The following DIP2B variants were observed in gnomAD, a reference collection of about 807,000 sequenced individuals.
DIP2B encodes DIP2 acetate--CoA ligase B (putative), also known as disco-interacting protein 2 homolog B.
A neutral mutation model predicts 198.0 loss-of-function variants in DIP2B; 76 were observed. That is an observed-to-expected ratio of 0.38 (90% CI 0.32 to 0.46). The LOEUF (loss-of-function observed/expected upper bound fraction) is 0.46. Among genes scored for constraint, DIP2B ranks in the 20% least tolerant of loss-of-function variants. The pLI is 0.99. For synonymous variants in DIP2B, 701 were observed against 739.1 expected, an observed-to-expected ratio of 0.95 and a Z score of 0.84; for missense variants, 1,559 against 1,978.4, an observed-to-expected ratio of 0.79 and a Z score of 4.02.
chr12:50,636,118 A>G (rs948760276), intron 2 of DIP2B, among the ~76,000 whole-genome samples: 4 of 152,204 alleles, frequency 2.6e-5, no homozygotes, highest in Non-Finnish European at 5.9e-5. Context: ...AGCTCTAAAC[A>G]AAGTAGCGTG....
intron 1 of DIP2B, among the ~76,000 whole-genome samples, chr12:50,542,637 A>T (rs958037501): frequency 6.6e-6 from 1 of 152,186 alleles, no homozygotes; most frequent in Non-Finnish European, 1.5e-5. Context: ...CCTGTGTTTG[A>T]TATATCTCAC....
At chr12:50,579,209 G>C (rs914087157) in intron 1 of DIP2B, among the ~76,000 whole-genome samples, 6 of 152,286 alleles carry the variant, frequency 3.9e-5, no homozygotes, top group East Asian at 3.9e-4. Flanking sequence ...ATGTCAGCCA[G>C]ATATTTTCTC....
chr12:50,631,121 C>T (rs1443511395), intron 2 of DIP2B, among the ~76,000 whole-genome samples: 1 of 151,236 alleles, frequency 6.6e-6, no homozygotes, highest in Non-Finnish European at 1.5e-5. Context: ...CAGTTTCCTC[C>T]TCCTCCTTCT....
intron 1 of DIP2B, among the ~76,000 whole-genome samples, chr12:50,549,984 C>G (rs1350619022): frequency 1.3e-5 from 2 of 152,086 alleles, no homozygotes; most frequent in African/African-American, 2.4e-5. Context: ...TTAACCCTCT[C>G]TTCTGTGTTA....
intron 1 of DIP2B, among the ~76,000 whole-genome samples, chr12:50,563,506 T>TTTTA (rs1455280983): frequency 6.6e-6 from 1 of 150,410 alleles, no homozygotes; most frequent in Non-Finnish European, 1.5e-5. Flanking sequence ...TTTTTTTTTT[T>TTTTA]TTAAAGGCAG....
At chr12:50,592,463 T>C (rs1011120605) in intron 1 of DIP2B, among the ~76,000 whole-genome samples, 2 of 151,968 alleles carry the variant, frequency 1.3e-5, no homozygotes, top group Non-Finnish European at 2.9e-5. Context: ...GGCCTTAACT[T>C]TTAGATTATT....
At chr12:50,588,007 T>C (rs1302474107) in intron 1 of DIP2B, among the ~76,000 whole-genome samples, 1 of 152,214 alleles carries the variant, frequency 6.6e-6, no homozygotes, top group East Asian at 1.9e-4. Context: ...TTTGTTTTGG[T>C]ATCTATACAA....
chr12:50,607,115 T>TA (rs1958989010), intron 1 of DIP2B, among the ~76,000 whole-genome samples: 1 of 151,920 alleles, frequency 6.6e-6, no homozygotes, highest in African/African-American at 2.4e-5. Flanking sequence ...CTTCTTTTTT[T>TA]TTTTTTTGAG....
intron 1 of DIP2B, among the ~76,000 whole-genome samples, chr12:50,613,188 C>T (rs1959046141): frequency 6.6e-6 from 1 of 152,184 alleles, no homozygotes; most frequent in African/African-American, 2.4e-5. Flanking sequence ...AGTGTTGTGT[C>T]CTTGTGCAGG....
chr12:50,641,753 A>T (rs527320354), intron 3 of DIP2B, among the ~76,000 whole-genome samples: 1 of 152,266 alleles, frequency 6.6e-6, no homozygotes, highest in African/African-American at 2.4e-5. Flanking sequence ...TTTGATAAGC[A>T]GAGGAACGAC....
intron 25 of DIP2B, 48 bp from the exon 26 acceptor site, chr12:50,721,225 T>A: frequency 6.3e-7 from 1 of 1,599,494 alleles, no homozygotes; most frequent in Non-Finnish European, 8.5e-7. Context: ...TATTACTGTT[T>A]ATTTCCTTTC....
chr12:50,677,473 G>A (rs1236575256), intron 7 of DIP2B, among the ~76,000 whole-genome samples: 1 of 152,034 alleles, frequency 6.6e-6, no homozygotes, highest in African/African-American at 2.4e-5. Context: ...AAATTAGCCA[G>A]GCGTGGTGGC....
At chr12:50,725,652 A>C (rs1406044833) in intron 28 of DIP2B, among the ~76,000 whole-genome samples, 1 of 152,230 alleles carries the variant, frequency 6.6e-6, no homozygotes, top group African/African-American at 2.4e-5. Flanking sequence ...ATAACATCTA[A>C]TCTTCATTGA....
intron 1 of DIP2B, among the ~76,000 whole-genome samples, chr12:50,554,814 C>T (rs970962550): frequency 1.0e-4 from 15 of 149,140 alleles, no homozygotes; most frequent in Admixed American, 9.6e-4. Context: ...TCTCACCAGG[C>T]TGAAATGCAG....
At chr12:50,626,100 G>A (rs1937929365) in intron 2 of DIP2B, 53 bp downstream of exon 2, 1 of 1,561,530 alleles carries the variant, frequency 6.4e-7, no homozygotes, top group Admixed American at 1.7e-5. Flanking sequence ...ACCAAAAGAT[G>A]CTGTCTTACA....
chr12:50,512,248 A>T (rs1593566657), intron 1 of DIP2B, among the ~76,000 whole-genome samples: 1 of 151,656 alleles, frequency 6.6e-6, no homozygotes, highest in African/African-American at 2.4e-5. Context: ...CTGGGATTAC[A>T]GGCTTGTGCC....
Position 50,671,268 on chromosome 12 carries a change from T to C in DIP2B, c.510T>C (p.Asn170=). 6.2e-7 allele frequency: 1 copy of C among 1,614,214 alleles called. No homozygotes were observed. Among genetic ancestry groups the C allele is most frequent in the Non-Finnish European group, 8.5e-7 (1 of 1,180,038 alleles). ...CTGCCTTGCAACAGAGCTTACAGAA[T>C]GCTGAGTCCTGGATCAACCGTTCAA... is the stretch of plus-strand genomic sequence containing the variant. ...LSAALQQSLQ[N]AESWINRSIQ... The change falls in exon 5 of 38, where the codon AAT becomes AAC. Residue 170 remains asparagine, a synonymous_variant. Transcript: ENST00000301180.
rs1939305680 is a variant in DIP2B, at chr12:50,696,036, A to G, written c.1933+69A>G. Reference sequence around the variant, plus strand: ...GATAGATTAGGGTTTTTCGCCCTGTACTAAGATATAATTCACATACTGAAA... The same window carrying G: ...GATAGATTAGGGTTTTTCGCCCTGTGCTAAGATATAATTCACATACTGAAA... On this transcript the variant is annotated intron_variant, in intron 16 of 37. Transcript: ENST00000301180. The G allele has an allele frequency of 1.9e-6, 3 of 1,593,402 alleles. No homozygotes were observed. The South Asian group carries it at 3.4e-5, about 18-fold the overall frequency.
chr12:50,669,487 A>C (rs572100651), intron 4 of DIP2B, among the ~76,000 whole-genome samples: 2 of 152,166 alleles, frequency 1.3e-5, no homozygotes, highest in Non-Finnish European at 2.9e-5. Context: ...CAGTGATGCT[A>C]TCTCTGCTCA....
Sources: allele counts gnomAD v4.1 joint callset (sites outside exome capture counted in the v4.1 genomes callset), GRCh38; gene constraint gnomAD v4.1.1; transcripts MANE v1.5; gene names NCBI Gene and HGNC (gene_info 2026-07-23, HGNC 2026-07-21).